PTPN20: variants seen among roughly 807,000 people sequenced by gnomAD.
PTPN20 encodes tyrosine-protein phosphatase non-receptor type 20.
A neutral mutation model predicts 35.0 loss-of-function variants in PTPN20; 9 were observed. The observed-to-expected ratio is 0.26, with a 90% CI of 0.15 to 0.45. The LOEUF (loss-of-function observed/expected upper bound fraction) is 0.45, where lower values mean the gene tolerates loss of function less well. Ranked by LOEUF, PTPN20 falls within the 20% of genes least tolerant of loss-of-function variation. PTPN20 has a pLI of 1.00. For synonymous variants in PTPN20, 32 were observed against 100.2 expected, an observed-to-expected ratio of 0.32 and a Z score of 4.06; for missense variants, 111 against 312.5, an observed-to-expected ratio of 0.36 and a Z score of 4.86.
At position 46,967,418 on chromosome 10, in the gene PTPN20, A is replaced by G. The variant is rs561842283; in HGVS notation, c.493-539A>G. On this transcript the variant is annotated intron_variant, in intron 6 of 10. Coordinates refer to ENST00000374339, the MANE Select transcript of PTPN20 (RefSeq NM_001042357.5). ...ATCCCTGTATTCCAGTGTCTGAAAC[A>G]AGGCCAGATACCTACTAAATGCGTA... is the stretch of plus-strand genomic sequence containing the variant. Among the ~76,000 whole-genome samples, 68 of 88,676 alleles carry G rather than the reference A, an allele frequency of 7.7e-4. 25 individuals carry two copies. Among genetic ancestry groups the G allele is most frequent in the African/African-American group, 1.3e-3 (14 of 11,126 alleles). 58.2% of individuals were successfully genotyped at this position (88,676 alleles called of 152,430 possible).
intron 5 of PTPN20, among the ~76,000 whole-genome samples, chr10:46,957,097 A>AT (rs1297135649): frequency 9.0e-5 from 11 of 121,612 alleles, no homozygotes; most frequent in Admixed American, 2.7e-4. Flanking sequence ...TACTGAATTT[A>AT]TTTTTTTTAA....
At chr10:46,947,072 A>G (rs1194786301) in intron 5 of PTPN20, among the ~76,000 whole-genome samples, 1 of 74,264 alleles carries the variant, frequency 1.3e-5, no homozygotes, top group Non-Finnish European at 3.2e-5. Flanking sequence ...TTTATAGTGG[A>G]AAAAAAGACA....
intron 9 of PTPN20, among the ~76,000 whole-genome samples, chr10:46,996,095 GAATT>G (rs1291779323): frequency 1.3e-5 from 2 of 151,976 alleles, no homozygotes; most frequent in Non-Finnish European, 2.9e-5. Context: ...TTTTATCTTT[GAATT>G]AATTATTTTT....
chr10:46,938,869 G>A (rs1459043627), intron 2 of PTPN20, among the ~76,000 whole-genome samples: 1 of 123,840 alleles, frequency 8.1e-6, no homozygotes, highest in Non-Finnish European at 1.6e-5. Flanking sequence ...GGTTGGTTGT[G>A]GTTAAGTCCT....
intron 7 of PTPN20, among the ~76,000 whole-genome samples, chr10:46,972,239 A>G (rs1326643651): frequency 2.0e-5 from 3 of 151,430 alleles, no homozygotes; most frequent in Non-Finnish European, 4.4e-5. Context: ...ACAAATCAAG[A>G]AGAGGACAAA....
In PTPN20 at chr10:46,953,395, C is replaced by CTTTCT. The variant is rs1341999684; in HGVS notation, c.340+6723_340+6724insCTTTT. On this transcript the variant is annotated intron_variant, in intron 5 of 10. Transcript: ENST00000374339. ...TCTTTCTTTCTTTCTTTCTTTCTTTCTTTTTTTTTGACTTACTAACTTATT... is the reference window on the plus strand; with the variant it reads ...TCTTTCTTTCTTTCTTTCTTTCTTTCTTTCTTTTTTTTTTGACTTACTAACTTATT... Among the ~76,000 whole-genome samples, 410 of 99,882 alleles carry CTTTCT rather than the reference C, an allele frequency of 4.1e-3. 8 individuals are homozygous for CTTTCT. The highest frequency in any genetic ancestry group is 0.018 in the African/African-American group (385 of 21,636). 65.5% of individuals were successfully genotyped at this position (99,882 alleles called of 152,430 possible). A position where few individuals can be genotyped will look rare whatever the true frequency, so the allele number is the denominator to read the frequency against.
intron 9 of PTPN20, among the ~76,000 whole-genome samples, chr10:46,992,921 T>C (rs2137420501): frequency 6.6e-6 from 1 of 152,338 alleles, no homozygotes; most frequent in South Asian, 2.1e-4. Context: ...GTATCCCTTG[T>C]GGGTTTGACT....
intron 1 of PTPN20, among the ~76,000 whole-genome samples, chr10:46,930,741 G>C (rs1589264357): frequency 7.4e-6 from 1 of 135,476 alleles, no homozygotes; most frequent in East Asian, 2.1e-4. Context: ...ACAGGTGAGT[G>C]CCACCACACC....
intron 9 of PTPN20, among the ~76,000 whole-genome samples, chr10:46,998,739 T>C (rs1217348242): frequency 1.3e-5 from 2 of 152,210 alleles, no homozygotes; most frequent in Admixed American, 6.5e-5. Context: ...TATTATATCT[T>C]GTTAAACAAG....
At chr10:46,928,585 C>A (rs1173361454) in intron 1 of PTPN20, among the ~76,000 whole-genome samples, 1 of 151,996 alleles carries the variant, frequency 6.6e-6, no homozygotes, top group African/African-American at 2.4e-5. Context: ...CTCTGAGCCC[C>A]CAGTCCTATA....
intron 2 of PTPN20, among the ~76,000 whole-genome samples, chr10:46,936,342 G>A (rs1426392184): frequency 6.6e-6 from 1 of 151,988 alleles, no homozygotes; most frequent in Non-Finnish European, 1.5e-5. Context: ...GGTAGAATTT[G>A]ACTGTGAATC....
chr10:46,955,065 A>G (rs2048062115), intron 5 of PTPN20: 1 of 151,196 alleles, frequency 6.6e-6, no homozygotes, highest in Admixed American at 6.6e-5. Flanking sequence ...TGCTTAGATT[A>G]TATGCAAATA....
intron 1 of PTPN20, among the ~76,000 whole-genome samples, chr10:46,928,227 G>T (rs1427919032): frequency 6.6e-6 from 1 of 152,052 alleles, no homozygotes; most frequent in African/African-American, 2.4e-5. Context: ...TCCAATGAAT[G>T]CTCACAGTAA....
At chr10:46,924,069 T>G (rs2036346585) in intron 1 of PTPN20, among the ~76,000 whole-genome samples, 1 of 151,184 alleles carries the variant, frequency 6.6e-6, no homozygotes, top group Non-Finnish European at 1.5e-5. Context: ...TAATTGCTTA[T>G]TAAGTTCCAG....
intron 9 of PTPN20, among the ~76,000 whole-genome samples, chr10:46,994,799 C>G (rs900619474): frequency 1.2e-4 from 18 of 151,998 alleles, no homozygotes; most frequent in Non-Finnish European, 2.5e-4. Flanking sequence ...TGGTGATGAT[C>G]TTCATTCTTT....
rs377631141 is a variant in PTPN20, at chr10:46,918,852, T to C, written c.-124+7351T>C. ...TTTTGTTGTTGGCTGGGATGCCCTA[T>C]AAAAGTTAGGCCAAATTGCTTCATA... On this transcript the variant is annotated intron_variant, in intron 1 of 10. Transcript: ENST00000374339. Among the ~76,000 whole-genome samples the C allele has an allele frequency of 2.2e-3, 265 of 123,206 alleles. 4 individuals are homozygous for C. In the East Asian group the frequency reaches 0.048, roughly 22 times the overall value. 80.8% of individuals were successfully genotyped at this position (123,206 alleles called of 152,430 possible). A position where few individuals can be genotyped will look rare whatever the true frequency, so the allele number is the denominator to read the frequency against.
chr10:46,931,889 G>A (rs2039728986), intron 1 of PTPN20, among the ~76,000 whole-genome samples: 1 of 146,788 alleles, frequency 6.8e-6, no homozygotes, highest in South Asian at 2.1e-4. Context: ...AATTAGAAAA[G>A]AAAAAAGATT....
chr10:46,936,363 G>A (rs1198107162), intron 2 of PTPN20, among the ~76,000 whole-genome samples: 2 of 151,944 alleles, frequency 1.3e-5, no homozygotes, highest in African/African-American at 2.4e-5. Flanking sequence ...CTTCTGGCCC[G>A]GGCTCTTTCT....
intron 7 of PTPN20, among the ~76,000 whole-genome samples, chr10:46,976,377 T>C (rs2053588807): frequency 9.3e-6 from 1 of 107,188 alleles, no homozygotes; most frequent in South Asian, 3.7e-4. Context: ...GTATAAGTAG[T>C]TGATGCAGTC....
Sources: gnomAD v4.1 joint callset for allele counts (sites outside exome capture counted in the v4.1 genomes callset) on GRCh38, gnomAD v4.1.1 for gene constraint, MANE v1.5 for transcripts, NCBI Gene and HGNC (gene_info 2026-07-23, HGNC 2026-07-21) for gene names.